Variants in PYGB observed in about 807,000 individuals in gnomAD.
The protein encoded by PYGB is glycogen phosphorylase, brain form.
A neutral mutation model predicts 94.3 loss-of-function variants in PYGB; 82 were observed. That is an observed-to-expected ratio of 0.87 (90% CI 0.73 to 1.04). The LOEUF (loss-of-function observed/expected upper bound fraction) is 1.04. Among genes scored for constraint, PYGB ranks in the 50% least tolerant of loss-of-function variants. The probability of loss-of-function intolerance (pLI) is 0.00; values close to 1 mark genes in which losing one functional copy is unlikely to be tolerated. For missense variants in PYGB, 1,132 were observed against 1,158.2 expected (o/e 0.98, Z 0.33); for synonymous variants, 488 against 479.1 (o/e 1.02, Z -0.24).
At chr20:25,283,069 C>T in intron 12 of PYGB, 107 bp from the exon 13 acceptor site, 1 of 937,064 alleles carries the variant, frequency 1.1e-6, no homozygotes, top group South Asian at 1.5e-5. Flanking sequence ...AAGCAGATCC[C>T]AGGGGAAAGC....
chr20:25,296,460 G>A lies in PYGB; in HGVS notation c.2470G>A (p.Glu824Lys), dbSNP rs200718011. The A allele has an allele frequency of 2.2e-4, 356 of 1,613,870 alleles. No homozygotes were observed. The highest frequency in any genetic ancestry group is 3.0e-4 in the Non-Finnish European group (352 of 1,180,048). Reference protein sequence around the residue: ...SDRTITEYAREIWGVEPSDLQ... With the variant: ...SDRTITEYARKIWGVEPSDLQ... ...CCGGACCATCACGGAGTATGCACGG[G>A]AGATCTGGGGTGTGGAGCCCTCCGA... The change falls in exon 20 of 20, where the codon GAG becomes AAG. Residue 824 changes from glutamate (E) to lysine (K), a missense_variant. Transcript: ENST00000216962.
intron 18 of PYGB, 63 bp from the exon 19 acceptor site, chr20:25,295,541 C>T (rs916127874): frequency 7.1e-6 from 11 of 1,543,866 alleles, no homozygotes; most frequent in Middle Eastern, 1.8e-4. Context: ...GGGACTCTCC[C>T]CTCGGGACAG....
chr20:25,275,409 G>GA (rs2088302312), intron 5 of PYGB, among the ~76,000 whole-genome samples: 1 of 152,244 alleles, frequency 6.6e-6, no homozygotes, highest in Non-Finnish European at 1.5e-5. Flanking sequence ...GGGCTGGCAG[G>GA]AGAGGCTGCA....
intron 13 of PYGB, 139 bp from the exon 14 acceptor site, chr20:25,283,965 C>CCTCAGGGGTCT (rs2088393370): frequency 2.0e-6 from 2 of 988,864 alleles, no homozygotes; most frequent in East Asian, 5.3e-5. Flanking sequence ...GGTGCAATCT[C>CCTCAGGGGTCT]TGCCCCTCAG....
intron 18 of PYGB, chr20:25,294,778 C>T (rs892578133): frequency 7.3e-6 from 5 of 680,804 alleles, no homozygotes; most frequent in African/African-American, 1.8e-5. Flanking sequence ...TATTTCAGTG[C>T]AGTTAGCACA....
At chr20:25,292,846 C>T (rs1451176733) in intron 17 of PYGB, among the ~76,000 whole-genome samples, 3 of 152,186 alleles carry the variant, frequency 2.0e-5, no homozygotes, top group Non-Finnish European at 4.4e-5. Flanking sequence ...GCTCCTGTCT[C>T]GGCTCTGAGG....
chr20:25,289,955 T>C (rs1359137601), intron 15 of PYGB: 5 of 533,454 alleles, frequency 9.4e-6, no homozygotes, highest in African/African-American at 3.8e-5. Flanking sequence ...CCCTGCCCAG[T>C]TGTCTTTGTA....
intron 2 of PYGB, among the ~76,000 whole-genome samples, chr20:25,260,657 G>GC (rs2092911310): frequency 6.6e-6 from 1 of 152,196 alleles, no homozygotes; most frequent in African/African-American, 2.4e-5. Flanking sequence ...GAGCGTGAGA[G>GC]CATGAGCTAA....
chr20:25,276,868 G>A (rs533812861), intron 6 of PYGB, 111 bp downstream of exon 6: 107 of 982,436 alleles, frequency 1.1e-4, no homozygotes, highest in Non-Finnish European at 1.4e-4. Flanking sequence ...GAGGCCGCGC[G>A]GCCCTCCTCT....
chr20:25,252,794 G>A (rs187771286), intron 1 of PYGB, among the ~76,000 whole-genome samples: 3 of 152,186 alleles, frequency 2.0e-5, no homozygotes, highest in African/African-American at 4.8e-5. Flanking sequence ...TATGGAGGCC[G>A]CAGTTACCTA....
Position 25,296,735 on chromosome 20 carries a change from A to G in PYGB, c.*213A>G, listed in dbSNP as rs201678685. 19 of 648,188 alleles carry G rather than the reference A, an allele frequency of 2.9e-5. 1 individual carries two copies. The Middle Eastern group carries it at 5.2e-3, about 178-fold the overall frequency. 40.2% of individuals were successfully genotyped at this position (648,188 alleles called of 1,614,324 possible). On this transcript the variant is annotated 3_prime_UTR_variant, in exon 20 of 20. Transcript: ENST00000216962. ...CTCCTAGTTTCTTGTAAAGGAAGCC[A>G]GAGTTGACAGTACAAAGGGTCGTGG...
At chr20:25,263,292 A>G (rs2092917675) in intron 2 of PYGB, among the ~76,000 whole-genome samples, 1 of 152,366 alleles carries the variant, frequency 6.6e-6, no homozygotes, top group African/African-American at 2.4e-5. Flanking sequence ...CAATCAAACT[A>G]GAACTCAGGA....
Position 25,278,378 on chromosome 20 carries a change from C to T in PYGB, c.915C>T (p.Leu305=), listed in dbSNP as rs201203155. ...AGTACTTCGTGGTGGCCGCCACGCT[C>T]CAGGACATCATCCGCCGCTTCAAGT... The part of the protein sequence containing the change: ...KQEYFVVAAT[L]QDIIRRFKSS... Residue 305 remains leucine, a synonymous_variant, in exon 8 of 20, where the codon CTC becomes CTT. Coordinates refer to ENST00000216962, the MANE Select transcript of PYGB (RefSeq NM_002862.4). The T allele has an allele frequency of 1.9e-6, 3 of 1,614,072 alleles. No homozygotes were observed. Among genetic ancestry groups the T allele is most frequent in the Admixed American group, 1.7e-5 (1 of 60,008 alleles).
intron 1 of PYGB, among the ~76,000 whole-genome samples, chr20:25,250,081 C>T (rs1206614932): frequency 6.6e-6 from 1 of 152,146 alleles, no homozygotes; most frequent in African/African-American, 2.4e-5. Context: ...AAACTCCTGA[C>T]CTCGTGATCC....
rs1663096133 is a variant in PYGB, at chr20:25,248,113, A to G, written c.-66A>G. 2.0e-6 allele frequency: 3 copies of G among 1,490,868 alleles called. No individual in the cohort carries two copies. Among genetic ancestry groups the G allele is most frequent in the African/African-American group, 1.5e-5 (1 of 66,296 alleles). 92.4% of individuals were successfully genotyped at this position (1,490,868 alleles called of 1,614,324 possible). A position where few individuals can be genotyped will look rare whatever the true frequency, so the allele number is the denominator to read the frequency against. ...GCAGCGGCGCCAGAGCAGCTGCACCATCCCGGCGTTCGCGTGTGCCGCCGC... is the reference window on the plus strand; with the variant it reads ...GCAGCGGCGCCAGAGCAGCTGCACCGTCCCGGCGTTCGCGTGTGCCGCCGC... On this transcript the variant is annotated 5_prime_UTR_variant, in exon 1 of 20. Coordinates refer to ENST00000216962, the MANE Select transcript of PYGB (RefSeq NM_002862.4).
In PYGB at chr20:25,248,126, C is replaced by T. The variant is rs201049849; in HGVS notation, c.-53C>T. 152 of 1,502,964 alleles carry T rather than the reference C, an allele frequency of 1.0e-4. No homozygotes were observed. Among genetic ancestry groups the T allele is most frequent in the Non-Finnish European group, 1.3e-4 (149 of 1,129,326 alleles). 93.1% of individuals were successfully genotyped at this position (1,502,964 alleles called of 1,614,324 possible). ...AGCAGCTGCACCATCCCGGCGTTCG[C>T]GTGTGCCGCCGCTTTCCTCCTCCAT... On this transcript the variant is annotated 5_prime_UTR_variant, in exon 1 of 20. Coordinates refer to ENST00000216962, the MANE Select transcript of PYGB (RefSeq NM_002862.4).
chr20:25,252,327 C>T (rs984657710), intron 1 of PYGB, among the ~76,000 whole-genome samples: 4 of 152,214 alleles, frequency 2.6e-5, no homozygotes, highest in Admixed American at 2.6e-4. Context: ...GTCAACTTGG[C>T]TGTTGTGCCT....
At chr20:25,271,682 CTG>C (rs1169459424) in intron 4 of PYGB, among the ~76,000 whole-genome samples, 196 bp downstream of exon 4, 1 of 152,232 alleles carries the variant, frequency 6.6e-6, no homozygotes, top group African/African-American at 2.4e-5. Flanking sequence ...AGCCTGGGCC[CTG>C]TGTGAGCTTT....
rs1228976926 is a variant in PYGB, at chr20:25,284,055, A to T, written c.1621-49A>T. 9 of 1,600,976 alleles carry T rather than the reference A, an allele frequency of 5.6e-6. No homozygotes were observed. In the South Asian group the frequency reaches 5.6e-5, roughly 10 times the overall value. Reference sequence around the variant, plus strand: ...AAGCAGGAAGCCGCAGGGTCAGTGGATGGAGTCCTGGTGAAGTCTCCAGCC... The same window carrying T: ...AAGCAGGAAGCCGCAGGGTCAGTGGTTGGAGTCCTGGTGAAGTCTCCAGCC... On this transcript the variant is annotated intron_variant, in intron 13 of 19. Coordinates refer to ENST00000216962, the MANE Select transcript of PYGB (RefSeq NM_002862.4).
Sources: gnomAD v4.1 joint callset for allele counts (sites outside exome capture counted in the v4.1 genomes callset) on GRCh38, gnomAD v4.1.1 for gene constraint, MANE v1.5 for transcripts, NCBI Gene and HGNC (gene_info 2026-07-23, HGNC 2026-07-21) for gene names.